Variants in RRBP1 observed in about 807,000 individuals in gnomAD.
The protein encoded by RRBP1 is ribosome binding protein 1.
Under a neutral mutation model 165.2 loss-of-function variants are expected in RRBP1, and 94 were observed. The observed-to-expected ratio is 0.57, with a 90% CI of 0.48 to 0.68. The LOEUF (loss-of-function observed/expected upper bound fraction) is 0.68. RRBP1 is among the 30% of genes least tolerant of loss of function. The pLI, the probability that RRBP1 is intolerant of heterozygous loss-of-function variation, is 0.00. For missense variants in RRBP1, 1,676 were observed against 1,763.0 expected, an observed-to-expected ratio of 0.95 and a Z score of 0.88; for synonymous variants, 680 against 714.5, an observed-to-expected ratio of 0.95 and a Z score of 0.77.
At chr20:17,620,845 C>G (rs375788867) in intron 16 of RRBP1, 38 bp from the exon 17 acceptor site, 3 of 1,464,236 alleles carry the variant, frequency 2.0e-6, no homozygotes, top group African/African-American at 1.4e-5. Context: ...CCCTCTCCCT[C>G]CCGAGACCCG....
At chr20:17,614,692 C>G (rs377029368) in intron 24 of RRBP1, 45 bp downstream of exon 24, 31 of 1,602,264 alleles carry the variant, frequency 1.9e-5, no homozygotes, top group Admixed American at 5.0e-5. Flanking sequence ...CCGGGGCTCC[C>G]GGCAGCTCGA....
intron 8 of RRBP1, among the ~76,000 whole-genome samples, chr20:17,633,110 G>T (rs2036183686): frequency 6.6e-6 from 1 of 152,170 alleles, no homozygotes; most frequent in African/African-American, 2.4e-5. Context: ...GTGAACTTGA[G>T]GTAGTTGCTG....
chr20:17,644,420 A>C (rs2036426437), intron 3 of RRBP1, among the ~76,000 whole-genome samples: 1 of 152,230 alleles, frequency 6.6e-6, no homozygotes. Context: ...CCCAAAAGCC[A>C]AAAGAAAATA....
chr20:17,676,040 T>C (rs577921483), intron 2 of RRBP1, among the ~76,000 whole-genome samples: 1 of 152,238 alleles, frequency 6.6e-6, no homozygotes, highest in African/African-American at 2.4e-5. Flanking sequence ...AGACACCATT[T>C]CTACAAAAAA....
Position 17,614,121 on chromosome 20 carries a change from T to C in RRBP1, c.*61A>G. On this transcript the variant is annotated 3_prime_UTR_variant, in exon 25 of 25. Coordinates refer to ENST00000377813, the MANE Select transcript of RRBP1 (RefSeq NM_001365613.2). ...CTGTGTAGGTTGGTTGGTTTATTTG[T>C]AAGGAATGTGTAAGGCATTTTGGTA... The C allele has an allele frequency of 3.9e-6, 6 of 1,548,358 alleles. No homozygotes were observed. The highest frequency in any genetic ancestry group is 5.4e-6 in the Non-Finnish European group (6 of 1,120,342).
At chr20:17,650,988 A>C (rs1162606953) in intron 3 of RRBP1, among the ~76,000 whole-genome samples, 1 of 152,254 alleles carries the variant, frequency 6.6e-6, no homozygotes, top group East Asian at 1.9e-4. Context: ...TCAGTTAACT[A>C]TCGGAGAACA....
chr20:17,625,688 G>T, intron 11 of RRBP1, 86 bp from the exon 12 acceptor site: 1 of 1,121,384 alleles, frequency 8.9e-7, no homozygotes, highest in Non-Finnish European at 1.3e-6. Flanking sequence ...CCAGGGAGGA[G>T]TACCTTCGAG....
intron 3 of RRBP1, among the ~76,000 whole-genome samples, chr20:17,654,871 C>G (rs1280377883): frequency 6.6e-6 from 1 of 152,262 alleles, no homozygotes; most frequent in African/African-American, 2.4e-5. Context: ...GGAGTTCCAG[C>G]AGCCCCTGCC....
rs759651677 is a variant in RRBP1, at chr20:17,643,118, T to C, written c.1922A>G (p.Asp641Gly). The change falls in exon 4 of 25, where the codon GAT becomes GGT. Residue 641 changes from aspartate to glycine, a missense_variant. Physicochemically the swap from Asp to Gly is moderately conservative, Grantham distance 94. Coordinates refer to ENST00000377813, the MANE Select transcript of RRBP1 (RefSeq NM_001365613.2). This position sits in a 1 kb window ranked among gnomAD's most constrained non-coding sequence, Gnocchi z 4.3. The stretch of plus-strand genomic sequence containing the variant: ...GGGGAGGTAGAGAGGGCCGTCGGCA[T>C]CTGGGGGCCCTGTGCAGCAAGAGGG... Reference protein sequence around the residue: ...SKKKGEPGPPDADGPLYLPYK... With the variant: ...SKKKGEPGPPGADGPLYLPYK... 6.2e-7 allele frequency: 1 copy of C among 1,613,818 alleles called. No homozygotes were observed. The highest frequency in any genetic ancestry group is 1.1e-5 in the South Asian group (1 of 91,074).
chr20:17,627,340 C>G lies in RRBP1; in HGVS notation c.2963+8G>C. 2 of 1,613,030 alleles carry G rather than the reference C, an allele frequency of 1.2e-6. No individual in the cohort carries two copies. The highest frequency in any genetic ancestry group is 4.5e-5 in the East Asian group (2 of 44,870). On this transcript the variant is annotated splice_region_variant and intron_variant, in intron 11 of 24. Coordinates refer to ENST00000377813, the MANE Select transcript of RRBP1 (RefSeq NM_001365613.2). ...CAAGTGAGCAGGCAGGCTGCTTCCC[C>G]AGCTTACCGAGTCTGCTGCTGGTCA...
intron 2 of RRBP1, among the ~76,000 whole-genome samples, chr20:17,676,485 C>G (rs922226171): frequency 6.6e-6 from 1 of 152,152 alleles, no homozygotes; most frequent in African/African-American, 2.4e-5. Flanking sequence ...ATCAGAACAC[C>G]CAACCAGTGC....
Position 17,614,692 on chromosome 20 carries a change from C to T in RRBP1, c.4194+45G>A, listed in dbSNP as rs377029368. 1.3e-5 allele frequency: 21 copies of T among 1,602,264 alleles called. No individual in the cohort carries two copies. The African/African-American group carries it at 1.3e-4, about 10-fold the overall frequency. ...CCCGGTCCTGCCTCCCCGGGGCTCC[C>T]GGCAGCTCGACTCCTCCCGCCCTGC... On this transcript the variant is annotated intron_variant, in intron 24 of 24. Coordinates refer to ENST00000377813, the MANE Select transcript of RRBP1 (RefSeq NM_001365613.2).
chr20:17,643,113 C>CGGCATCTGGG lies in RRBP1; in HGVS notation c.1917_1926dup (p.Asp643ProfsTer37). 1 of 1,613,910 alleles carries CGGCATCTGGG rather than the reference C, an allele frequency of 6.2e-7. No homozygotes were observed. The highest frequency in any genetic ancestry group is 8.5e-7 in the Non-Finnish European group (1 of 1,179,988). On this transcript the variant is annotated frameshift_variant, in exon 4 of 25. Coordinates refer to ENST00000377813, the MANE Select transcript of RRBP1 (RefSeq NM_001365613.2). LOFTEE classifies it high-confidence loss of function. The surrounding 1 kb of genome is among the most constrained non-coding windows in gnomAD (Gnocchi z 4.3). ...TTGTAGGGGAGGTAGAGAGGGCCGT[C>CGGCATCTGGG]GGCATCTGGGGGCCCTGTGCAGCAA... is the stretch of plus-strand genomic sequence containing the variant.
chr20:17,676,799 G>A (rs535130737), intron 2 of RRBP1, among the ~76,000 whole-genome samples: 4 of 152,270 alleles, frequency 2.6e-5, no homozygotes, highest in African/African-American at 9.6e-5. Flanking sequence ...CGCCTAGGCT[G>A]GAGTGTAGTA....
intron 2 of RRBP1, among the ~76,000 whole-genome samples, chr20:17,667,527 T>C (rs560794732): frequency 6.6e-6 from 1 of 152,210 alleles, no homozygotes; most frequent in African/African-American, 2.4e-5. Flanking sequence ...GGCTTCATCC[T>C]ACAAGCTGTG....
chr20:17,627,724 A>G, intron 9 of RRBP1, 42 bp from the exon 10 acceptor site: 2 of 1,540,820 alleles, frequency 1.3e-6, no homozygotes, highest in Non-Finnish European at 8.8e-7. Context: ...GAGACTGCAA[A>G]CCCCAGGGGG....
intron 8 of RRBP1, 28 bp downstream of exon 8, chr20:17,633,432 C>A: frequency 5.0e-6 from 8 of 1,604,318 alleles, no homozygotes; most frequent in South Asian, 1.1e-5. Flanking sequence ...GTGAACAGGG[C>A]ACTGAGGCGG....
chr20:17,615,592 C>T, intron 22 of RRBP1, 63 bp from the exon 23 acceptor site: 2 of 1,392,718 alleles, frequency 1.4e-6, no homozygotes. Context: ...CTGTCAAGAC[C>T]CTACCGAGCA....
chr20:17,677,101 T>C (rs547491446), intron 2 of RRBP1, among the ~76,000 whole-genome samples: 28 of 151,044 alleles, frequency 1.9e-4, no homozygotes, highest in South Asian at 4.2e-4. Flanking sequence ...TTTTAAAAGG[T>C]GACTCAATTG....
Sources: gnomAD v4.1 joint callset for allele counts (sites outside exome capture counted in the v4.1 genomes callset) on GRCh38, gnomAD v4.1.1 for gene constraint, Gnocchi (gnomAD v3.1) non-coding constraint, MANE v1.5 for transcripts, NCBI Gene and HGNC (gene_info 2026-07-23, HGNC 2026-07-21) for gene names.